Variants in STOX2 observed in about 807,000 individuals in gnomAD.
The protein encoded by STOX2 is storkhead-box protein 2.
STOX2 carries 28 observed loss-of-function variants against 60.9 expected under a neutral mutation model. That is an observed-to-expected ratio of 0.46 (90% CI 0.34 to 0.63). The LOEUF (loss-of-function observed/expected upper bound fraction) is 0.63. STOX2 is among the 30% of genes least tolerant of loss of function. STOX2 has a pLI of 0.01. For synonymous variants in STOX2, 472 were observed against 463.9 expected, an observed-to-expected ratio of 1.02 and a Z score of -0.22; for missense variants, 1,024 against 1,187.7, an observed-to-expected ratio of 0.86 and a Z score of 2.03.
chr4:183,908,814 G>A (rs1020470132), intron 1 of STOX2, among the ~76,000 whole-genome samples: 1 of 152,036 alleles, frequency 6.6e-6, no homozygotes, highest in African/African-American at 2.4e-5. Context: ...TCAGGTTGGC[G>A]GTTTTCTGTT....
At chr4:183,867,021 C>CT (rs201416180) in intron 1 of STOX2, among the ~76,000 whole-genome samples, 44 of 150,388 alleles carry the variant, frequency 2.9e-4, no homozygotes, top group South Asian at 2.1e-3. Flanking sequence ...GTTTATAGTT[C>CT]TTTTTTTTTT....
chr4:183,893,925 G>A (rs1454748281), intron 1 of STOX2, among the ~76,000 whole-genome samples: 1 of 152,218 alleles, frequency 6.6e-6, no homozygotes, highest in Non-Finnish European at 1.5e-5. Context: ...GCCAAGTCAG[G>A]TGGATCCCTT....
intron 1 of STOX2, among the ~76,000 whole-genome samples, chr4:183,983,570 G>T (rs974376912): frequency 6.6e-6 from 1 of 152,168 alleles, no homozygotes; most frequent in East Asian, 1.9e-4. Flanking sequence ...AGGAGTCCAA[G>T]AAGTCCCTGG....
At chr4:183,867,263 A>G (rs1740590368) in intron 1 of STOX2, among the ~76,000 whole-genome samples, 1 of 152,240 alleles carries the variant, frequency 6.6e-6, no homozygotes, top group Non-Finnish European at 1.5e-5. Context: ...TTTTACTAAA[A>G]TTCAGAAGGT....
In STOX2 at chr4:183,820,348, G is replaced by A. The variant is rs533264559; in HGVS notation, c.364+22293G>A. Among the ~76,000 whole-genome samples the A allele has an allele frequency of 3.3e-5, 5 of 152,232 alleles. No individual in the cohort carries two copies. The South Asian group carries it at 1.0e-3, about 32-fold the overall frequency. ...TATTAGGGTCTTATCTTGTGAGGAG[G>A]TGGGCCACTCCATGTCCCTTTCCTC... On this transcript the variant is annotated intron_variant, in intron 1 of 2. Coordinates refer to the STOX2 transcript ENST00000513034.
chr4:183,824,697 T>C (rs746269659), intron 1 of STOX2, among the ~76,000 whole-genome samples: 80 of 152,194 alleles, frequency 5.3e-4, no homozygotes, highest in Admixed American at 1.2e-3. Flanking sequence ...TTTGTAAAAA[T>C]AACAGAATCT....
rs1188630017 is a variant in STOX2, at chr4:184,009,408, A to G, written c.570A>G (p.Thr190=). ...PSASGCVRER[T]LPRNHCDSCH... is the part of the protein sequence containing the mutation. Reference sequence around the variant, plus strand: ...CCTCAGGCTGTGTCAGGGAAAGGACATTGCCCCGAAACCACTGCGACTCTT... The same window carrying G: ...CCTCAGGCTGTGTCAGGGAAAGGACGTTGCCCCGAAACCACTGCGACTCTT... Residue 190 remains threonine (T), a synonymous_variant, in exon 3 of 4, where the codon ACA becomes ACG. Transcript: ENST00000308497. The surrounding 1 kb of genome is among the most constrained non-coding windows in gnomAD (Gnocchi z 4.0). The G allele has an allele frequency of 4.3e-6, 7 of 1,613,876 alleles. No individual in the cohort carries two copies. The highest frequency in any genetic ancestry group is 5.9e-6 in the Non-Finnish European group (7 of 1,179,894).
intron 3 of STOX2, among the ~76,000 whole-genome samples, chr4:184,012,717 C>A (rs1350706039): frequency 1.3e-5 from 2 of 152,146 alleles, no homozygotes; most frequent in Admixed American, 1.3e-4. Flanking sequence ...GACTATGGGC[C>A]CCAGTCCCTC....
intron 1 of STOX2, among the ~76,000 whole-genome samples, chr4:183,960,604 A>G (rs1417035992): frequency 6.6e-6 from 1 of 152,230 alleles, no homozygotes; most frequent in Non-Finnish European, 1.5e-5. Context: ...ATGATACATT[A>G]AAGTGCATTT....
At chr4:183,813,211 C>T (rs1020511383) in intron 1 of STOX2, among the ~76,000 whole-genome samples, 1 of 152,034 alleles carries the variant, frequency 6.6e-6, no homozygotes, top group Non-Finnish European at 1.5e-5. Context: ...GGTGAAAACC[C>T]GTCTCTACTA....
chr4:183,901,849 A>G (rs1441423304), upstream of STOX2, among the ~76,000 whole-genome samples: 1 of 151,958 alleles, frequency 6.6e-6, no homozygotes, highest in African/African-American at 2.4e-5. Context: ...CTTATCAGAT[A>G]TATGCTTTAT....
At position 184,001,379 on chromosome 4, in the gene STOX2, T is replaced by G; in HGVS notation, c.221T>G (p.Leu74Arg). 1 of 1,613,890 alleles carries G rather than the reference T, an allele frequency of 6.2e-7. No individual in the cohort carries two copies. ...ATCAGTCAGTCTCAGTTTATTCCAC[T>G]CGGGGAGATCCTCTGCTTGGCCATC... ...SPISQSQFIP[L>R]GEILCLAISA... Residue 74 changes from leucine (L) to arginine (R), a missense_variant, in exon 2 of 4, where the codon CTC becomes CGC. This residue lies in a region of STOX2 where 98 missense variants were observed against 110.2 expected (regional missense o/e 0.89). Coordinates refer to ENST00000308497, the MANE Select transcript of STOX2 (RefSeq NM_020225.3). The surrounding 1 kb of genome is among the most constrained non-coding windows in gnomAD (Gnocchi z 4.2).
intron 1 of STOX2, among the ~76,000 whole-genome samples, chr4:183,950,396 T>G (rs1743032512): frequency 6.6e-6 from 1 of 152,108 alleles, no homozygotes; most frequent in Non-Finnish European, 1.5e-5. Flanking sequence ...TAAAACAGGC[T>G]GCTAGGAGGT....
At chr4:183,867,802 TCTC>T (rs1412419571) in intron 1 of STOX2, among the ~76,000 whole-genome samples, 2 of 152,258 alleles carry the variant, frequency 1.3e-5, no homozygotes, top group African/African-American at 4.8e-5. Flanking sequence ...TTGAGTAGCT[TCTC>T]CTGAAAGGTA....
At chr4:183,810,569 A>G (rs776642800) in intron 1 of STOX2, among the ~76,000 whole-genome samples, 7 of 152,216 alleles carry the variant, frequency 4.6e-5, no homozygotes, top group Non-Finnish European at 8.8e-5. Context: ...CAAAGTTCGT[A>G]TCTTGGAATC....
intron 1 of STOX2, among the ~76,000 whole-genome samples, chr4:183,835,102 GACCCTCAGGCAAGTT>G: frequency 6.6e-6 from 1 of 151,850 alleles, no homozygotes; most frequent in East Asian, 1.9e-4. Flanking sequence ...ACAATTACGT[GACCCTCAGGCAAGTT>G]ACCTATTTTT....
At chr4:183,985,096 G>A (rs112597898) in intron 1 of STOX2, among the ~76,000 whole-genome samples, 73 of 152,256 alleles carry the variant, frequency 4.8e-4, no homozygotes, top group African/African-American at 1.6e-3. Flanking sequence ...CTCAGGGGCA[G>A]TCGTTAGGGG....
chr4:183,857,181 A>G (rs1321009579), intron 1 of STOX2, among the ~76,000 whole-genome samples: 2 of 151,652 alleles, frequency 1.3e-5, no homozygotes, highest in South Asian at 2.1e-4. Flanking sequence ...TGGTCATCCC[A>G]CAGGACTGGT....
At position 183,865,744 on chromosome 4, in the gene STOX2, C is replaced by T. The variant is rs1053876080; in HGVS notation, c.364+67689C>T. On this transcript the variant is annotated intron_variant, in intron 1 of 2. Coordinates refer to the STOX2 transcript ENST00000513034. The surrounding 1 kb of genome is among the most constrained non-coding windows in gnomAD (Gnocchi z 4.1). ...GTGACGGAGGTTGCAAGGAGGGGAA[C>T]GAAATGGCATGAACACAGGCTAGAA... Among the ~76,000 whole-genome samples the T allele has an allele frequency of 3.3e-4, 50 of 151,968 alleles. No individual in the cohort carries two copies. The highest frequency in any genetic ancestry group is 1.1e-3 in the African/African-American group (44 of 41,356).
Sources: gnomAD v4.1 joint callset for allele counts (sites outside exome capture counted in the v4.1 genomes callset) on GRCh38, gnomAD v4.1.1 for gene constraint, gnomAD v4.1.1 regional missense constraint, Gnocchi (gnomAD v3.1) non-coding constraint, MANE v1.5 for transcripts, NCBI Gene and HGNC (gene_info 2026-07-23, HGNC 2026-07-21) for gene names.